Variants in MIPEP observed in about 807,000 individuals in gnomAD.
MIPEP encodes mitochondrial intermediate peptidase.
A neutral mutation model predicts 90.3 loss-of-function variants in MIPEP; 79 were observed. That is an observed-to-expected ratio of 0.87 (90% CI 0.73 to 1.05). The LOEUF (loss-of-function observed/expected upper bound fraction) is 1.05, where lower values mean the gene tolerates loss of function less well. Ranked by LOEUF, MIPEP falls within the 50% of genes least tolerant of loss-of-function variation. The probability of loss-of-function intolerance (pLI) is 0.00; values close to 1 mark genes in which losing one functional copy is unlikely to be tolerated. For synonymous variants in MIPEP, 334 were observed against 315.8 expected (o/e 1.06, Z -0.61); for missense variants, 940 against 905.6 (o/e 1.04, Z -0.49).
At chr13:23,759,184 G>A (rs909331392) in intron 17 of MIPEP, among the ~76,000 whole-genome samples, 1 of 152,114 alleles carries the variant, frequency 6.6e-6, no homozygotes, top group African/African-American at 2.4e-5. Flanking sequence ...ACTTGACAAC[G>A]TCTTGGTTCC....
intron 10 of MIPEP, among the ~76,000 whole-genome samples, chr13:23,854,057 G>C (rs185532534): frequency 6.6e-6 from 1 of 151,724 alleles, no homozygotes; most frequent in South Asian, 2.1e-4. Flanking sequence ...CAGGCGCGGT[G>C]GCTCACGCCT....
At chr13:23,879,819 T>C (rs1318137522) in intron 3 of MIPEP, among the ~76,000 whole-genome samples, 2 of 152,166 alleles carry the variant, frequency 1.3e-5, no homozygotes, top group East Asian at 3.9e-4. Context: ...ATTTAGACTT[T>C]AGGCTGCCGT....
At chr13:23,770,647 T>C (rs150270429) in intron 16 of MIPEP, among the ~76,000 whole-genome samples, 1 of 152,108 alleles carries the variant, frequency 6.6e-6, no homozygotes, top group Non-Finnish European at 1.5e-5. Flanking sequence ...GTCCTGCAAT[T>C]GGGCTGGAGT....
At chr13:23,808,350 C>T (rs1163816430) in intron 15 of MIPEP, among the ~76,000 whole-genome samples, 3 of 152,158 alleles carry the variant, frequency 2.0e-5, no homozygotes, top group Non-Finnish European at 4.4e-5. Context: ...CCGCCCGCCT[C>T]GGCCTCCCAA....
chr13:23,821,860 A>G (rs1328834803), intron 14 of MIPEP, among the ~76,000 whole-genome samples: 1 of 152,204 alleles, frequency 6.6e-6, no homozygotes, highest in Non-Finnish European at 1.5e-5. Flanking sequence ...TTGCATTTTA[A>G]TAATTGTGTT....
At chr13:23,801,663 G>T (rs915936888) in intron 16 of MIPEP, among the ~76,000 whole-genome samples, 2 of 152,030 alleles carry the variant, frequency 1.3e-5, no homozygotes, top group African/African-American at 4.8e-5. Context: ...GCTTAGTTTT[G>T]CATCACTCTG....
intron 14 of MIPEP, among the ~76,000 whole-genome samples, chr13:23,819,880 G>A (rs368507689): frequency 5.3e-4 from 81 of 152,086 alleles, no homozygotes; most frequent in African/African-American, 1.9e-3. Context: ...GTGGTGGCAT[G>A]TACCTGTAAT....
chr13:23,835,174 C>T (rs1868980386), intron 14 of MIPEP, among the ~76,000 whole-genome samples: 1 of 152,022 alleles, frequency 6.6e-6, no homozygotes, highest in Non-Finnish European at 1.5e-5. Context: ...GCATGTGCCA[C>T]TGCGCCTGGC....
intron 14 of MIPEP, among the ~76,000 whole-genome samples, chr13:23,812,181 A>T (rs1037763039): frequency 7.7e-6 from 1 of 130,588 alleles, no homozygotes; most frequent in African/African-American, 3.2e-5. Context: ...TTCCACAGTT[A>T]CTAACTGTAA....
chr13:23,862,228 T>G (rs1870338246), intron 9 of MIPEP, 74 bp downstream of exon 9: 1 of 911,692 alleles, frequency 1.1e-6, no homozygotes, highest in Admixed American at 2.3e-5. Flanking sequence ...CACAAGAAAG[T>G]TCCTGAATCA....
chr13:23,872,968 T>C (rs1459107335), intron 5 of MIPEP, among the ~76,000 whole-genome samples: 1 of 152,236 alleles, frequency 6.6e-6, no homozygotes, highest in Non-Finnish European at 1.5e-5. Context: ...TTAAAAAACA[T>C]GATCCACGTT....
At position 23,874,827 on chromosome 13, in the gene MIPEP, A is replaced by C; in HGVS notation, c.603+19T>G. On this transcript the variant is annotated intron_variant, in intron 5 of 18. Coordinates refer to ENST00000382172, the MANE Select transcript of MIPEP (RefSeq NM_005932.4). ...GTTAGTAAAACTGGAAGAGTCAAAA[A>C]AACAGCAGAAAGATGTACCTTTTCT... is the stretch of plus-strand genomic sequence containing the variant. 1 of 1,573,844 alleles carries C rather than the reference A, an allele frequency of 6.4e-7. No individual in the cohort carries two copies. The highest frequency in any genetic ancestry group is 8.6e-7 in the Non-Finnish European group (1 of 1,165,738).
intron 16 of MIPEP, among the ~76,000 whole-genome samples, chr13:23,795,598 C>A (rs528741198): frequency 9.9e-5 from 15 of 152,224 alleles, no homozygotes; most frequent in Non-Finnish European, 1.9e-4. Context: ...CTAAAATTAA[C>A]GCTTTTAAGG....
intron 16 of MIPEP, among the ~76,000 whole-genome samples, chr13:23,773,358 A>G (rs1565988705): frequency 6.6e-6 from 1 of 152,208 alleles, no homozygotes; most frequent in Non-Finnish European, 1.5e-5. Flanking sequence ...TTGTGCATCC[A>G]GTCATCTATT....
At chr13:23,756,419 A>G (rs778243920) in intron 18 of MIPEP, 126 bp downstream of exon 18, 53 of 972,992 alleles carry the variant, frequency 5.4e-5, no homozygotes, top group Non-Finnish European at 7.9e-5. Context: ...GGCCTCCCAA[A>G]GTGCTGGGAT....
intron 5 of MIPEP, 57 bp downstream of exon 5, chr13:23,874,789 G>T (rs1870987810): frequency 1.4e-6 from 2 of 1,391,092 alleles, no homozygotes; most frequent in South Asian, 2.7e-5. Flanking sequence ...AGCAATAATG[G>T]TATCAACTAA....
chr13:23,799,921 G>A (rs976710024), intron 16 of MIPEP, among the ~76,000 whole-genome samples: 5 of 152,130 alleles, frequency 3.3e-5, no homozygotes, highest in South Asian at 4.2e-4. Context: ...TTTCTTAGAC[G>A]TATTATTATA....
rs150816532 is a variant in MIPEP at position 23,732,115 on chromosome 13, A to G, written c.2045-1670T>C. On this transcript the variant is annotated intron_variant, in intron 18 of 18. Coordinates refer to ENST00000382172, the MANE Select transcript of MIPEP (RefSeq NM_005932.4). The stretch of plus-strand genomic sequence containing the variant: ...AGTGATCCTCCCGTCTCAGCTTGAG[A>G]GTAGCTGGAACCACAGGTGTGTGCC... 1.0e-3 allele frequency among the ~76,000 whole-genome samples: 156 copies of G among 151,530 alleles called. 1 individual carries two copies. Among genetic ancestry groups the G allele is most frequent in the African/African-American group, 3.7e-3 (151 of 41,260 alleles).
At chr13:23,884,218 GGA>G (rs1243375285) in intron 2 of MIPEP, among the ~76,000 whole-genome samples, 19 of 150,950 alleles carry the variant, frequency 1.3e-4, no homozygotes, top group African/African-American at 4.4e-4. Context: ...AGGTTAGTGG[GGA>G]GGGGGGGGTG....
Sources: allele counts gnomAD v4.1 joint callset (sites outside exome capture counted in the v4.1 genomes callset), GRCh38; gene constraint gnomAD v4.1.1; transcripts MANE v1.5; gene names NCBI Gene and HGNC (gene_info 2026-07-23, HGNC 2026-07-21).